CTNND2: variants seen among roughly 807,000 people sequenced by gnomAD.
The protein encoded by CTNND2 is catenin delta 2.
In CTNND2, 22 loss-of-function variants were observed where a neutral mutation model predicts 144.4. The ratio of observed to expected loss-of-function variants is 0.15; its 90% CI spans 0.11 to 0.22. The LOEUF (loss-of-function observed/expected upper bound fraction) is 0.22. CTNND2 is among the 10% of genes least tolerant of loss of function. CTNND2 has a pLI of 1.00. For missense variants in CTNND2, 1,353 were observed against 1,618.8 expected (o/e 0.84, Z 2.82); for synonymous variants, 751 against 695.6 (o/e 1.08, Z -1.25).
At chr5:11,532,693 T>C (rs1448892719) in intron 3 of CTNND2, among the ~76,000 whole-genome samples, 2 of 152,200 alleles carry the variant, frequency 1.3e-5, no homozygotes, top group Non-Finnish European at 2.9e-5. Context: ...ATTATTTCTA[T>C]AGGTTCAATA....
intron 15 of CTNND2, among the ~76,000 whole-genome samples, chr5:11,088,036 A>C (rs1750362505): frequency 6.6e-6 from 1 of 152,250 alleles, no homozygotes; most frequent in South Asian, 2.1e-4. Context: ...ATTTTCAATT[A>C]AAAAATTTCT....
At chr5:11,195,193 T>C (rs1421033545) in intron 11 of CTNND2, among the ~76,000 whole-genome samples, 1 of 152,176 alleles carries the variant, frequency 6.6e-6, no homozygotes, top group Non-Finnish European at 1.5e-5. Flanking sequence ...CACCTAGATA[T>C]ATCACAAGAG....
At chr5:11,719,733 T>A (rs983376689) in intron 2 of CTNND2, among the ~76,000 whole-genome samples, 4 of 151,998 alleles carry the variant, frequency 2.6e-5, no homozygotes, top group Admixed American at 1.3e-4. Context: ...TCACTCTAAT[T>A]TAAGTCCCTC....
rs1035280657 is a variant in CTNND2 at position 10,998,078 on chromosome 5, CAA to C, written c.3085-5403_3085-5402del. On this transcript the variant is annotated intron_variant, in intron 18 of 21. Coordinates refer to ENST00000304623, the MANE Select transcript of CTNND2 (RefSeq NM_001332.4). ...AATGTCAGAAAACTGAGTGTAATAA[CAA>C]AATTGCTTACAAAGGAACTCCTATA... is the stretch of plus-strand genomic sequence containing the variant. Among the ~76,000 whole-genome samples, 24 of 152,262 alleles carry C rather than the reference CAA, an allele frequency of 1.6e-4. 1 individual carries two copies. Among genetic ancestry groups the C allele is most frequent in the Admixed American group, 5.2e-4 (8 of 15,290 alleles).
chr5:11,086,504 T>G (rs1750161829), intron 15 of CTNND2, among the ~76,000 whole-genome samples: 2 of 152,198 alleles, frequency 1.3e-5, no homozygotes, highest in South Asian at 4.1e-4. Flanking sequence ...CAGCTGAATT[T>G]GACTGGGTTT....
chr5:11,779,110 T>TGAC lies in CTNND2; in HGVS notation c.38-46841_38-46839dup, dbSNP rs538134788. 1.8e-3 allele frequency among the ~76,000 whole-genome samples: 278 copies of TGAC among 152,344 alleles called. 2 individuals carry two copies. The highest frequency in any genetic ancestry group is 2.4e-3 in the Non-Finnish European group (166 of 68,038). On this transcript the variant is annotated intron_variant, in intron 1 of 21. Coordinates refer to ENST00000304623, the MANE Select transcript of CTNND2 (RefSeq NM_001332.4). ...CAGAAGGCCACAGCGTCCTCATGCA[T>TGAC]GACGCATGGTGTATCCGCCATATGT... is the stretch of plus-strand genomic sequence containing the variant.
chr5:11,492,720 A>T (rs1769546540), intron 3 of CTNND2, among the ~76,000 whole-genome samples: 2 of 151,910 alleles, frequency 1.3e-5, no homozygotes, highest in Admixed American at 1.3e-4. Flanking sequence ...AAAAATATAT[A>T]TTCATTAATA....
intron 3 of CTNND2, among the ~76,000 whole-genome samples, chr5:11,540,094 T>C (rs909590000): frequency 6.6e-6 from 1 of 151,962 alleles, no homozygotes; most frequent in Non-Finnish European, 1.5e-5. Context: ...TTAATTACCA[T>C]TGTGGTGGGT....
At chr5:11,621,553 C>T (rs1327055659) in intron 2 of CTNND2, among the ~76,000 whole-genome samples, 2 of 152,020 alleles carry the variant, frequency 1.3e-5, no homozygotes, top group Non-Finnish European at 2.9e-5. Context: ...TATAGAAATA[C>T]ATTTAAATCA....
At chr5:11,854,229 T>A (rs1795150992) in intron 1 of CTNND2, among the ~76,000 whole-genome samples, 1 of 152,194 alleles carries the variant, frequency 6.6e-6, no homozygotes, top group African/African-American at 2.4e-5. Flanking sequence ...CTCCTTTACT[T>A]GTCAGTTCTA....
intron 3 of CTNND2, among the ~76,000 whole-genome samples, chr5:11,555,244 G>C (rs1021790116): frequency 6.6e-6 from 1 of 152,188 alleles, no homozygotes; most frequent in African/African-American, 2.4e-5. Flanking sequence ...AAATGGAAGA[G>C]AAACAGACAC....
chr5:11,824,193 C>T (rs1331750393), intron 1 of CTNND2, among the ~76,000 whole-genome samples: 1 of 151,882 alleles, frequency 6.6e-6, no homozygotes, highest in East Asian at 1.9e-4. Flanking sequence ...CCATGTCCCT[C>T]AGTATCCATC....
intron 1 of CTNND2, among the ~76,000 whole-genome samples, chr5:11,867,301 A>G (rs1486960843): frequency 6.6e-6 from 1 of 152,256 alleles, no homozygotes; most frequent in East Asian, 1.9e-4. Context: ...AGAAAAGTCC[A>G]ATAATTATTT....
At chr5:11,259,355 T>A (rs930915539) in intron 9 of CTNND2, among the ~76,000 whole-genome samples, 1 of 152,152 alleles carries the variant, frequency 6.6e-6, no homozygotes, top group African/African-American at 2.4e-5. Flanking sequence ...AAAAAAAAGA[T>A]GGCACCATGT....
intron 2 of CTNND2, among the ~76,000 whole-genome samples, chr5:11,678,369 T>C (rs1202459277): frequency 6.6e-6 from 1 of 152,146 alleles, no homozygotes; most frequent in Non-Finnish European, 1.5e-5. Context: ...TATTTTACAT[T>C]AATAAAATTG....
intron 1 of CTNND2, among the ~76,000 whole-genome samples, chr5:11,832,257 C>T (rs561961120): frequency 2.6e-5 from 4 of 151,258 alleles, no homozygotes; most frequent in Non-Finnish European, 5.9e-5. Context: ...CACTCCAGCC[C>T]AGGCAACAGA....
At chr5:11,026,488 G>C (rs531555578) in intron 16 of CTNND2, among the ~76,000 whole-genome samples, 30 of 151,132 alleles carry the variant, frequency 2.0e-4, no homozygotes, top group African/African-American at 5.1e-4. Context: ...CTCCCGAGTA[G>C]CTGGGACTAC....
In CTNND2 at chr5:11,033,982, G is replaced by A. The variant is rs909116479; in HGVS notation, c.2789-11003C>T. On this transcript the variant is annotated intron_variant, in intron 16 of 21. Coordinates refer to ENST00000304623, the MANE Select transcript of CTNND2 (RefSeq NM_001332.4). ...TAAAAGTTGATACCAGGTTAGCAAA[G>A]ACAAGGTAAAAAATAGTACTAAGAC... 2.0e-5 allele frequency among the ~76,000 whole-genome samples: 3 copies of A among 152,156 alleles called. No individual in the cohort carries two copies. In the East Asian group the frequency reaches 5.8e-4, roughly 29 times the overall value.
chr5:11,835,424 G>A (rs6879784), intron 1 of CTNND2, among the ~76,000 whole-genome samples: 4,028 of 152,056 alleles, frequency 0.026, 170 homozygotes, highest in African/African-American at 0.081. Context: ...TCACTTCACC[G>A]GGAAACCATC....
Sources: gnomAD v4.1 joint callset for allele counts (sites outside exome capture counted in the v4.1 genomes callset) on GRCh38, gnomAD v4.1.1 for gene constraint, MANE v1.5 for transcripts, NCBI Gene and HGNC (gene_info 2026-07-23, HGNC 2026-07-21) for gene names.